Variants in PLLP observed in about 807,000 individuals in gnomAD.
PLLP encodes the protein plasma membrane proteolipid (plasmolipin).
A neutral mutation model predicts 19.7 loss-of-function variants in PLLP; 15 were observed. The ratio of observed to expected loss-of-function variants is 0.76; its 90% CI spans 0.51 to 1.17. PLLP has a LOEUF of 1.17. Ranked by LOEUF, PLLP falls within the 50% of genes most tolerant of loss-of-function variation. PLLP has a pLI of 0.00. For missense variants in PLLP, 255 were observed against 258.3 expected (o/e 0.99, Z 0.09); for synonymous variants, 111 against 116.3 (o/e 0.95, Z 0.29).
At chr16:57,265,757 G>A (rs773178617) in intron 1 of PLLP, among the ~76,000 whole-genome samples, 4 of 152,222 alleles carry the variant, frequency 2.6e-5, no homozygotes, top group Non-Finnish European at 5.9e-5. Context: ...GCCGGGTGCA[G>A]TGGCTCACAC....
At chr16:57,258,623 C>T (rs1465338438) in intron 2 of PLLP, 39 bp from the exon 3 acceptor site, 2 of 1,606,538 alleles carry the variant, frequency 1.2e-6, no homozygotes, top group Non-Finnish European at 1.7e-6. Flanking sequence ...AGAGAAAAGG[C>T]TTAAGACACA....
intron 1 of PLLP, among the ~76,000 whole-genome samples, chr16:57,264,838 C>A (rs2075452270): frequency 6.6e-6 from 1 of 152,092 alleles, no homozygotes; most frequent in Non-Finnish European, 1.5e-5. Flanking sequence ...AACAGCAAGA[C>A]CCTGTCTCAA....
chr16:57,259,989 A>AT (rs1167895979), intron 2 of PLLP, among the ~76,000 whole-genome samples: 1 of 152,022 alleles, frequency 6.6e-6, no homozygotes, highest in Non-Finnish European at 1.5e-5. Context: ...AAAAAAAAAA[A>AT]AAAAACTTAG....
chr16:57,257,950 G>A (rs562641077), intron 3 of PLLP, among the ~76,000 whole-genome samples: 3 of 152,206 alleles, frequency 2.0e-5, no homozygotes, highest in African/African-American at 4.8e-5. Flanking sequence ...AGGCCAAGGC[G>A]AGTGGATCAC....
intron 1 of PLLP, among the ~76,000 whole-genome samples, chr16:57,280,286 G>A (rs77543249): frequency 1.3e-5 from 2 of 152,018 alleles, no homozygotes; most frequent in African/African-American, 2.4e-5. Flanking sequence ...TCACCCTCTC[G>A]GAGCCTATTT....
At chr16:57,264,779 G>A (rs936042352) in intron 1 of PLLP, among the ~76,000 whole-genome samples, 16 of 152,166 alleles carry the variant, frequency 1.1e-4, no homozygotes, top group Admixed American at 4.6e-4. Flanking sequence ...AACCTGGGAG[G>A]TTGAGGCTAC....
In PLLP at chr16:57,281,790, C is replaced by T. The variant is rs188408937; in HGVS notation, c.135+2616G>A. On this transcript the variant is annotated intron_variant, in intron 1 of 3. Coordinates refer to ENST00000219207, the MANE Select transcript of PLLP (RefSeq NM_015993.3). The stretch of plus-strand genomic sequence containing the variant: ...CCTCCCAAAGTGCTGGGATTACAGG[C>T]GTGAGCCACCACACCTGGCCCCAAC... 6.4e-3 allele frequency among the ~76,000 whole-genome samples: 981 copies of T among 152,144 alleles called. 13 individuals carry two copies. Among genetic ancestry groups the T allele is most frequent in the African/African-American group, 0.022 (902 of 41,508 alleles).
chr16:57,274,473 G>GT (rs2146447750), intron 1 of PLLP, among the ~76,000 whole-genome samples: 2 of 152,194 alleles, frequency 1.3e-5, no homozygotes, highest in Admixed American at 1.3e-4. Context: ...TTTGTTTTGA[G>GT]ACAGAATCTT....
At chr16:57,263,912 T>G (rs888612966) in intron 1 of PLLP, among the ~76,000 whole-genome samples, 5 of 152,180 alleles carry the variant, frequency 3.3e-5, no homozygotes, top group African/African-American at 1.2e-4. Flanking sequence ...GCACCAAGGC[T>G]GCGTAGTGAC....
At chr16:57,258,338 ACT>A in intron 3 of PLLP, 122 bp downstream of exon 3, 1 of 929,558 alleles carries the variant, frequency 1.1e-6, no homozygotes, top group Non-Finnish European at 1.6e-6. Context: ...TCTAAGACCC[ACT>A]GAGTGTTCAG....
chr16:57,267,882 A>AC (rs2075462622), intron 1 of PLLP, among the ~76,000 whole-genome samples: 1 of 151,856 alleles, frequency 6.6e-6, no homozygotes, highest in South Asian at 2.1e-4. Flanking sequence ...TCTCAAAAAA[A>AC]AAAAAAAAAG....
chr16:57,266,320 G>C (rs1335441856), intron 1 of PLLP, among the ~76,000 whole-genome samples: 2 of 152,160 alleles, frequency 1.3e-5, no homozygotes, highest in Non-Finnish European at 2.9e-5. Flanking sequence ...TGGCTGTGCT[G>C]CCTGGCTCTG....
rs111723433 is a variant in PLLP, at chr16:57,272,668, T to C, written c.136-10598A>G. Among the ~76,000 whole-genome samples the C allele has an allele frequency of 3.9e-3, 594 of 152,250 alleles. 5 individuals are homozygous for C. The highest frequency in any genetic ancestry group is 0.012 in the African/African-American group (500 of 41,530). On this transcript the variant is annotated intron_variant, in intron 1 of 3. Transcript: ENST00000219207. Reference sequence around the variant, plus strand: ...TGTCTCAACTTCAAGGAGGGGCCCATTGGCAGAGCACAGTGGCTCATACCT... The same window carrying C: ...TGTCTCAACTTCAAGGAGGGGCCCACTGGCAGAGCACAGTGGCTCATACCT...
intron 1 of PLLP, among the ~76,000 whole-genome samples, chr16:57,273,117 G>C (rs138707557): frequency 6.6e-6 from 1 of 151,490 alleles, no homozygotes; most frequent in Non-Finnish European, 1.5e-5. Context: ...AAAATTAGCC[G>C]GGCACGGTGG....
At chr16:57,266,101 G>A (rs909179120) in intron 1 of PLLP, among the ~76,000 whole-genome samples, 3 of 152,144 alleles carry the variant, frequency 2.0e-5, no homozygotes, top group Non-Finnish European at 4.4e-5. Flanking sequence ...GCGCTACTAT[G>A]AGTTATTTAG....
intron 1 of PLLP, among the ~76,000 whole-genome samples, chr16:57,278,364 G>A (rs576904124): frequency 1.1e-4 from 17 of 152,302 alleles, no homozygotes; most frequent in South Asian, 2.1e-4. Flanking sequence ...TATGAGAAAA[G>A]CAACTTGCTG....
At chr16:57,278,561 C>G (rs137938160) in intron 1 of PLLP, among the ~76,000 whole-genome samples, 30 of 152,220 alleles carry the variant, frequency 2.0e-4, no homozygotes, top group African/African-American at 6.5e-4. Flanking sequence ...TGTAATTACA[C>G]ATTAATTCCC....
chr16:57,266,443 G>A (rs114715220), intron 1 of PLLP, among the ~76,000 whole-genome samples: 1,973 of 152,270 alleles, frequency 0.013, 51 homozygotes, highest in African/African-American at 0.045. Context: ...AGTCCCCCAA[G>A]AGAGACCCTG....
chr16:57,281,677 A>C (rs757358356), intron 1 of PLLP, among the ~76,000 whole-genome samples: 30 of 151,614 alleles, frequency 2.0e-4, no homozygotes, highest in Non-Finnish European at 8.8e-5. Flanking sequence ...TGCCAGGCTA[A>C]TTTTGTTGTA....
Sources: allele counts gnomAD v4.1 joint callset (sites outside exome capture counted in the v4.1 genomes callset), GRCh38; gene constraint gnomAD v4.1.1; transcripts MANE v1.5; gene names NCBI Gene and HGNC (gene_info 2026-07-23, HGNC 2026-07-21).